The following KCND3 variants were observed in gnomAD, a reference collection of about 807,000 sequenced individuals.
KCND3 encodes the protein A-type voltage-gated potassium channel KCND3.
In KCND3, 9 loss-of-function variants were observed where a neutral mutation model predicts 51.1. That is an observed-to-expected ratio of 0.18 (90% CI 0.11 to 0.31). The LOEUF is 0.31. KCND3 is among the 10% of genes least tolerant of loss of function. KCND3 has a pLI of 1.00. For synonymous variants in KCND3, 349 were observed against 368.0 expected, an observed-to-expected ratio of 0.95 and a Z score of 0.59; for missense variants, 526 against 903.8, an observed-to-expected ratio of 0.58 and a Z score of 5.36.
chr1:111,972,654 T>C (rs948826890), intron 2 of KCND3, among the ~76,000 whole-genome samples: 7 of 152,244 alleles, frequency 4.6e-5, no homozygotes, highest in Non-Finnish European at 7.3e-5. Flanking sequence ...AAATGTTTAT[T>C]AAGCATTTAT....
intron 2 of KCND3, among the ~76,000 whole-genome samples, chr1:111,935,494 A>C (rs1411302954): frequency 6.6e-6 from 1 of 151,998 alleles, no homozygotes; most frequent in Admixed American, 6.6e-5. Flanking sequence ...GAGAGGAAAA[A>C]CATGTCCTTT....
At chr1:111,865,891 A>G (rs1668538616) in intron 2 of KCND3, among the ~76,000 whole-genome samples, 1 of 152,032 alleles carries the variant, frequency 6.6e-6, no homozygotes. Flanking sequence ...TTTTTTGTAG[A>G]GATGGGGTTT....
intron 2 of KCND3, among the ~76,000 whole-genome samples, chr1:111,843,388 GCTGCCCAGT>G (rs1329278552): frequency 6.6e-6 from 1 of 152,208 alleles, no homozygotes; most frequent in Non-Finnish European, 1.5e-5. Context: ...GAAGGCAAAG[GCTGCCCAGT>G]CCCTCCAGAT....
At chr1:111,974,743 G>C (rs561684025) in intron 2 of KCND3, among the ~76,000 whole-genome samples, 1 of 152,182 alleles carries the variant, frequency 6.6e-6, no homozygotes. Flanking sequence ...GAGGAATCCC[G>C]GTTGTGTTTA....
chr1:111,942,878 A>C (rs1672591486), intron 2 of KCND3, among the ~76,000 whole-genome samples: 2 of 152,206 alleles, frequency 1.3e-5, no homozygotes, highest in African/African-American at 4.8e-5. Context: ...GAAGTGCAGA[A>C]CTTGGACTTC....
chr1:111,785,997 G>A lies in KCND3; in HGVS notation c.1269+947C>T, dbSNP rs542801447. 1.2e-4 allele frequency among the ~76,000 whole-genome samples: 18 copies of A among 152,352 alleles called. No individual in the cohort carries two copies. The East Asian group carries it at 1.5e-3, about 13-fold the overall frequency. ...TCTTTCAACAGTTCTCCTCCTGTCC[G>A]TTGTCCTCAGAAAGGCTCTGGCCAT... On this transcript the variant is annotated intron_variant, in intron 3 of 7. Coordinates refer to ENST00000302127, the MANE Select transcript of KCND3 (RefSeq NM_001378969.1).
chr1:111,858,977 A>T (rs1163857371), intron 2 of KCND3, among the ~76,000 whole-genome samples: 1 of 152,084 alleles, frequency 6.6e-6, no homozygotes, highest in Non-Finnish European at 1.5e-5. Context: ...GTCATTTGGG[A>T]CCTTCTGGGA....
intron 2 of KCND3, among the ~76,000 whole-genome samples, chr1:111,807,358 T>C (rs1665617913): frequency 6.6e-6 from 1 of 152,232 alleles, no homozygotes; most frequent in African/African-American, 2.4e-5. Context: ...ACCATTGTGT[T>C]ACAGTTGTCT....
Position 111,985,267 on chromosome 1 carries a change from C to T in KCND3, c.-72-2469G>A, listed in dbSNP as rs1052003094. On this transcript the variant is annotated intron_variant, in intron 1 of 7. Transcript: ENST00000302127. ...CATGGAGCGTCTCAAGAGATCCCAC[C>T]GACAACCCTGAGGGGTAGACACCAC... 4.6e-5 allele frequency among the ~76,000 whole-genome samples: 7 copies of T among 152,288 alleles called. 1 individual carries two copies. In the South Asian group the frequency reaches 8.3e-4, roughly 18 times the overall value.
At chr1:111,812,771 T>C (rs1665913650) in intron 2 of KCND3, among the ~76,000 whole-genome samples, 1 of 152,150 alleles carries the variant, frequency 6.6e-6, no homozygotes, top group Non-Finnish European at 1.5e-5. Context: ...GCCCCACTCA[T>C]TGTGGCTATA....
chr1:111,862,287 A>C (rs758727126), intron 2 of KCND3, among the ~76,000 whole-genome samples: 39 of 152,232 alleles, frequency 2.6e-4, no homozygotes, highest in Non-Finnish European at 5.3e-4. Flanking sequence ...CAACTACTTA[A>C]CTCTGCCACT....
intron 2 of KCND3, among the ~76,000 whole-genome samples, chr1:111,961,494 C>T (rs1441708935): frequency 6.6e-6 from 1 of 152,160 alleles, no homozygotes; most frequent in Non-Finnish European, 1.5e-5. Flanking sequence ...TGCAGGGGAG[C>T]ACAGGCTCCT....
intron 2 of KCND3, among the ~76,000 whole-genome samples, chr1:111,847,654 C>A (rs756252570): frequency 7.9e-5 from 12 of 152,174 alleles, no homozygotes; most frequent in Non-Finnish European, 1.6e-4. Flanking sequence ...TCCCACCAGG[C>A]CTCACACTGC....
chr1:111,786,754 G>A (rs1435106535), intron 3 of KCND3, among the ~76,000 whole-genome samples, 190 bp downstream of exon 3: 1 of 152,130 alleles, frequency 6.6e-6, no homozygotes, highest in African/African-American at 2.4e-5. Flanking sequence ...TGAGGGTTCA[G>A]TGCCTTTTGG....
At chr1:111,814,244 G>A (rs1298860820) in intron 2 of KCND3, among the ~76,000 whole-genome samples, 1 of 97,630 alleles carries the variant, frequency 1.0e-5, no homozygotes, top group Non-Finnish European at 2.0e-5. Context: ...CTTATCCTAG[G>A]AGCAGGCTCG....
rs1489817525 is a variant in KCND3, at chr1:111,981,282, C to T, written c.1106+339G>A. ...CCCTGACCTTCTCCCCACGCTGCCC[C>T]ATATGCGCAAATGCATATACAAATG... is the stretch of plus-strand genomic sequence containing the variant. On this transcript the variant is annotated intron_variant, in intron 2 of 7. Transcript: ENST00000302127. The surrounding 1 kb of genome is among the most constrained non-coding windows in gnomAD (Gnocchi z 6.2). 6.6e-6 allele frequency among the ~76,000 whole-genome samples: 1 copy of T among 152,166 alleles called. No homozygotes were observed. The highest frequency in any genetic ancestry group is 2.4e-5 in the African/African-American group (1 of 41,442).
chr1:111,830,286 A>C (rs1357851594), intron 2 of KCND3, among the ~76,000 whole-genome samples: 3 of 152,214 alleles, frequency 2.0e-5, no homozygotes, highest in Non-Finnish European at 2.9e-5. Context: ...ATAGCCTTCC[A>C]GATAAAGGCC....
intron 2 of KCND3, among the ~76,000 whole-genome samples, chr1:111,954,196 G>GCCAACA (rs1434589798): frequency 1.3e-5 from 2 of 152,102 alleles, no homozygotes; most frequent in African/African-American, 4.8e-5. Flanking sequence ...CCCAAACCAT[G>GCCAACA]CCAACACCTT....
At chr1:111,858,230 A>G (rs1458565800) in intron 2 of KCND3, among the ~76,000 whole-genome samples, 1 of 152,198 alleles carries the variant, frequency 6.6e-6, no homozygotes, top group East Asian at 1.9e-4. Context: ...TCTTAACTCC[A>G]TCAAATCCCT....
Sources: gnomAD v4.1 joint callset for allele counts (sites outside exome capture counted in the v4.1 genomes callset) on GRCh38, gnomAD v4.1.1 for gene constraint, Gnocchi (gnomAD v3.1) non-coding constraint, MANE v1.5 for transcripts, NCBI Gene and HGNC (gene_info 2026-07-23, HGNC 2026-07-21) for gene names.